TULP3: variants seen among roughly 807,000 people sequenced by gnomAD.
TULP3 encodes the protein tubby-related protein 3.
A neutral mutation model predicts 50.7 loss-of-function variants in TULP3; 38 were observed. The ratio of observed to expected loss-of-function variants is 0.75; its 90% CI spans 0.58 to 0.98. The LOEUF is 0.98. Among genes scored for constraint, TULP3 ranks in the 50% least tolerant of loss-of-function variants. TULP3 has a pLI of 0.00. For synonymous variants in TULP3, 183 were observed against 196.6 expected, an observed-to-expected ratio of 0.93 and a Z score of 0.58; for missense variants, 550 against 568.0, an observed-to-expected ratio of 0.97 and a Z score of 0.32.
At chr12:2,905,715 T>TC (rs71057857) in intron 1 of TULP3, among the ~76,000 whole-genome samples, 72,445 of 151,666 alleles carry the variant, frequency 0.48, 17,759 homozygotes, top group African/African-American at 0.6. Flanking sequence ...ATGAAAGGAA[T>TC]AAGTGGTGTC....
chr12:2,922,016 G>A (rs71534265), intron 3 of TULP3, among the ~76,000 whole-genome samples: 210 of 152,278 alleles, frequency 1.4e-3, no homozygotes, highest in Admixed American at 2.2e-3. Flanking sequence ...CTAGGAAGTC[G>A]AGGCTACAGT....
intron 3 of TULP3, 62 bp from the exon 4 acceptor site, chr12:2,922,200 C>T: frequency 2.6e-6 from 4 of 1,563,878 alleles, no homozygotes; most frequent in Admixed American, 3.9e-5. Flanking sequence ...TATGCCAAAT[C>T]TACCCAACTA....
intron 1 of TULP3, among the ~76,000 whole-genome samples, chr12:2,898,412 G>A (rs922948843): frequency 6.6e-6 from 1 of 152,110 alleles, no homozygotes; most frequent in Non-Finnish European, 1.5e-5. Flanking sequence ...CCATCTTCCC[G>A]CCTCAGCCTC....
intron 4 of TULP3, among the ~76,000 whole-genome samples, chr12:2,923,585 A>C (rs1248570794): frequency 6.6e-6 from 1 of 150,890 alleles, no homozygotes; most frequent in Non-Finnish European, 1.5e-5. Context: ...TGGGAGGCAG[A>C]GGTTGCAGTG....
intron 5 of TULP3, among the ~76,000 whole-genome samples, chr12:2,930,748 TACCA>T (rs1480168583): frequency 6.6e-6 from 1 of 152,196 alleles, no homozygotes; most frequent in African/African-American, 2.4e-5. Flanking sequence ...AGTATTTAAA[TACCA>T]TTACTGAGTG....
intron 2 of TULP3, among the ~76,000 whole-genome samples, chr12:2,910,789 A>G (rs997143891): frequency 2.0e-5 from 3 of 152,182 alleles, no homozygotes; most frequent in South Asian, 2.1e-4. Context: ...TCTTGGAGAA[A>G]ATTCTGTTAC....
chr12:2,930,834 T>A (rs1035956029), intron 5 of TULP3: 14 of 636,360 alleles, frequency 2.2e-5, no homozygotes, highest in African/African-American at 2.0e-4. Flanking sequence ...TCAGCTATTG[T>A]GAGGCTTTGT....
intron 4 of TULP3, among the ~76,000 whole-genome samples, chr12:2,923,981 A>G (rs538993644): frequency 6.6e-5 from 10 of 152,032 alleles, no homozygotes; most frequent in African/African-American, 2.4e-4. Flanking sequence ...ACCCCGTCTC[A>G]ACAACAACAA....
chr12:2,900,876 CTTTTT>C (rs57315328), intron 1 of TULP3, among the ~76,000 whole-genome samples: 10 of 127,284 alleles, frequency 7.9e-5, no homozygotes, highest in Non-Finnish European at 1.1e-4. Flanking sequence ...AGCCGAAATA[CTTTTT>C]TTTTTTTTTT....
rs527448209 is a variant in TULP3 at position 2,922,947 on chromosome 12, G to A, written c.394+545G>A. 9.4e-5 allele frequency among the ~76,000 whole-genome samples: 14 copies of A among 149,366 alleles called. No individual in the cohort carries two copies. In the East Asian group the frequency reaches 2.2e-3, roughly 23 times the overall value. The stretch of plus-strand genomic sequence containing the variant: ...CGGCTCACTGCAAGCTCCGCCTCCC[G>A]GGTTCACGCCATTCTCCTGCCTCAG... On this transcript the variant is annotated intron_variant, in intron 4 of 10. Coordinates refer to ENST00000448120, the MANE Select transcript of TULP3 (RefSeq NM_003324.5).
intron 1 of TULP3, among the ~76,000 whole-genome samples, chr12:2,904,908 G>A (rs369334647): frequency 4.2e-4 from 64 of 151,888 alleles, no homozygotes; most frequent in African/African-American, 1.4e-3. Context: ...AGTTTGAGAC[G>A]AACCTGGCCA....
At chr12:2,920,635 C>T in intron 2 of TULP3, 128 bp from the exon 3 acceptor site, 1 of 1,211,066 alleles carries the variant, frequency 8.3e-7, no homozygotes, top group Non-Finnish European at 1.1e-6. Context: ...TTTCCCATTT[C>T]TTAAATGGGG....
Position 2,938,163 on chromosome 12 carries a change from T to C in TULP3, c.1073T>C (p.Leu358Pro). The change falls in exon 10 of 11, where the codon CTG (leucine) becomes CCG (proline). Residue 358 changes from leucine (L) to proline (P), a missense_variant. Leu to Pro is a moderately conservative substitution (Grantham distance 98). Transcript: ENST00000448120. The stretch of plus-strand genomic sequence containing the variant: ...TGGCAGAACAGAACTATGGAAAATC[T>C]GGTTGAGCTGCACAACAAGGCCCCC... ...SRWQNRTMENLVELHNKAPVW... is the reference protein window; with the variant it reads ...SRWQNRTMENPVELHNKAPVW... 1 of 1,614,196 alleles carries C rather than the reference T, an allele frequency of 6.2e-7. No homozygotes were observed. Among genetic ancestry groups the C allele is most frequent in the Non-Finnish European group, 8.5e-7 (1 of 1,180,032 alleles).
chr12:2,904,393 A>G (rs2098181048), intron 1 of TULP3, among the ~76,000 whole-genome samples: 3 of 152,180 alleles, frequency 2.0e-5, no homozygotes, highest in Non-Finnish European at 4.4e-5. Context: ...GCTGCTGTGC[A>G]GGGTCACAGT....
At chr12:2,908,490 T>C (rs1189481310) in intron 1 of TULP3, among the ~76,000 whole-genome samples, 1 of 152,118 alleles carries the variant, frequency 6.6e-6, no homozygotes, top group African/African-American at 2.4e-5. Context: ...TGGAGTGCAA[T>C]CGTGTGATCT....
chr12:2,912,491 G>C (rs559053219), intron 2 of TULP3, among the ~76,000 whole-genome samples: 2 of 152,154 alleles, frequency 1.3e-5, no homozygotes, highest in Non-Finnish European at 2.9e-5. Flanking sequence ...CAGAGGCTGG[G>C]GAAGCCCTGC....
In TULP3 at chr12:2,939,243, A is replaced by G; in HGVS notation, c.1196-68A>G. ...AAAACCCCATCTAAGAAAAGGAAGAAAAAGAAAAAGATTTCCCTGAGTGCA... is the reference window on the plus strand; with the variant it reads ...AAAACCCCATCTAAGAAAAGGAAGAGAAAGAAAAAGATTTCCCTGAGTGCA... On this transcript the variant is annotated intron_variant, in intron 10 of 10. Coordinates refer to ENST00000448120, the MANE Select transcript of TULP3 (RefSeq NM_003324.5). This position sits in a 1 kb window ranked among gnomAD's most constrained non-coding sequence, Gnocchi z 4.0. The G allele has an allele frequency of 6.4e-7, 1 of 1,556,444 alleles. No individual in the cohort carries two copies. Among genetic ancestry groups the G allele is most frequent in the Non-Finnish European group, 8.8e-7 (1 of 1,139,910 alleles).
chr12:2,930,223 C>G (rs1591536342), intron 4 of TULP3, 25 bp from the exon 5 acceptor site: 1 of 1,540,130 alleles, frequency 6.5e-7, no homozygotes. Flanking sequence ...GTTGGCAGTG[C>G]TAACAGTTCT....
chr12:2,911,523 A>G (rs12227291), intron 2 of TULP3, among the ~76,000 whole-genome samples: 1 of 84,638 alleles, frequency 1.2e-5, no homozygotes, highest in Non-Finnish European at 2.4e-5. Context: ...AGGCTAATTT[A>G]TTTTTTATTT....
Sources: gnomAD v4.1 joint callset for allele counts (sites outside exome capture counted in the v4.1 genomes callset) on GRCh38, gnomAD v4.1.1 for gene constraint, Gnocchi (gnomAD v3.1) non-coding constraint, MANE v1.5 for transcripts, NCBI Gene and HGNC (gene_info 2026-07-23, HGNC 2026-07-21) for gene names.